GAB2: variants seen among roughly 807,000 people sequenced by gnomAD.
The protein encoded by GAB2 is GRB2 associated binding protein 2.
Under a neutral mutation model 65.5 loss-of-function variants are expected in GAB2, and 26 were observed. The ratio of observed to expected loss-of-function variants is 0.40; its 90% CI spans 0.29 to 0.55. GAB2 has a LOEUF of 0.55. Among genes scored for constraint, GAB2 ranks in the 20% least tolerant of loss-of-function variants. The pLI is 0.53. For missense variants in GAB2, 884 were observed against 875.8 expected (o/e 1.01, Z -0.12); for synonymous variants, 321 against 329.6 (o/e 0.97, Z 0.28).
At chr11:78,341,771 G>T in intron 1 of GAB2, 2 of 986,136 alleles carry the variant, frequency 2.0e-6, no homozygotes, top group Non-Finnish European at 2.4e-6. Context: ...TTTTCATGAT[G>T]ATACCAAAGG....
At chr11:78,233,889 G>A (rs1267781921) in intron 3 of GAB2, among the ~76,000 whole-genome samples, 3 of 152,208 alleles carry the variant, frequency 2.0e-5, no homozygotes, top group African/African-American at 7.2e-5. Context: ...GAGATTACAG[G>A]CGTGGGCCAC....
At chr11:78,219,531 T>G in intron 9 of GAB2, 116 bp from the exon 10 acceptor site, 1 of 902,658 alleles carries the variant, frequency 1.1e-6, no homozygotes, top group Non-Finnish European at 1.8e-6. Context: ...GCATGGCCTC[T>G]GCCTGCCACT....
chr11:78,360,415 A>G (rs376838726), intron 1 of GAB2, among the ~76,000 whole-genome samples: 1,926 of 151,852 alleles, frequency 0.013, 37 homozygotes, highest in African/African-American at 0.043. Flanking sequence ...AAAAAGAAGA[A>G]GAGGAGGAGG....
intron 3 of GAB2, among the ~76,000 whole-genome samples, chr11:78,242,731 GA>G (rs559994792): frequency 1.5e-3 from 224 of 150,894 alleles, no homozygotes; most frequent in Non-Finnish European, 2.6e-3. Context: ...AGTAAAAGGG[GA>G]AAAAAAAGAT....
intron 1 of GAB2, among the ~76,000 whole-genome samples, chr11:78,331,339 A>G (rs934886582): frequency 2.7e-5 from 4 of 147,462 alleles, no homozygotes; most frequent in Non-Finnish European, 6.0e-5. Context: ...TCTGCCTCCC[A>G]GGTTCAAGCG....
intron 3 of GAB2, among the ~76,000 whole-genome samples, chr11:78,245,530 A>T (rs1256384210): frequency 6.6e-6 from 1 of 152,216 alleles, no homozygotes; most frequent in East Asian, 1.9e-4. Flanking sequence ...TTCCAGATAA[A>T]TGAAAGCTGG....
At chr11:78,362,878 G>T (rs1014521738) in intron 1 of GAB2, among the ~76,000 whole-genome samples, 11 of 152,148 alleles carry the variant, frequency 7.2e-5, no homozygotes, top group African/African-American at 2.7e-4. Context: ...AGAGGGTCAG[G>T]CACTTCACAA....
At chr11:78,307,966 C>G (rs762313938) in intron 1 of GAB2, among the ~76,000 whole-genome samples, 54 of 152,022 alleles carry the variant, frequency 3.6e-4, no homozygotes, top group Non-Finnish European at 6.6e-4. Flanking sequence ...TGAGCACCAT[C>G]CAATTTGTTG....
intron 1 of GAB2, among the ~76,000 whole-genome samples, chr11:78,362,216 T>C (rs540648035): frequency 1.3e-5 from 2 of 152,216 alleles, no homozygotes; most frequent in South Asian, 2.1e-4. Flanking sequence ...CAGGCCAACA[T>C]ACATTATAAA....
chr11:78,219,159 A>C lies in GAB2; in HGVS notation c.*113T>G. On this transcript the variant is annotated 3_prime_UTR_variant, in exon 10 of 10. Transcript: ENST00000361507. ...GATGTCAAGTGCTTTGAAGGCTGAG[A>C]CTGGCAGAGTAGAGAGGAGGTGGAT... The C allele has an allele frequency of 9.8e-7, 1 of 1,016,922 alleles. No individual in the cohort carries two copies. The highest frequency in any genetic ancestry group is 1.5e-6 in the Non-Finnish European group (1 of 682,628). 63.0% of individuals were successfully genotyped at this position (1,016,922 alleles called of 1,614,324 possible). A position where few individuals can be genotyped will look rare whatever the true frequency, so the allele number is the denominator to read the frequency against.
chr11:78,318,386 A>AAAAAAAAAAAAAAAAAAAAAAAAAAAAT (rs1855657644), intron 1 of GAB2, among the ~76,000 whole-genome samples: 1 of 146,796 alleles, frequency 6.8e-6, no homozygotes, highest in African/African-American at 2.5e-5. Flanking sequence ...AAAAAAAAAA[A>AAAAAAAAAAAAAAAAAAAAAAAAAAAAT]GCTGTGAAAA....
chr11:78,287,792 GTGTGCACTGCCACAC>G (rs1866527134), intron 1 of GAB2, among the ~76,000 whole-genome samples: 1 of 149,144 alleles, frequency 6.7e-6, no homozygotes, highest in Admixed American at 6.8e-5. Flanking sequence ...GGGATTACAG[GTGTGCACTGCCACAC>G]TGGCTAATTT....
chr11:78,220,444 G>A lies in GAB2; in HGVS notation c.1762C>T (p.Gln588Ter). The change falls in exon 9 of 10, where the codon CAA becomes TAA. Residue 588 changes from glutamine (Q) to a stop codon, truncating the protein, a stop_gained and splice_region_variant. Coordinates refer to ENST00000361507, the MANE Select transcript of GAB2 (RefSeq NM_080491.3). LOFTEE classifies it high-confidence loss of function. Reference protein sequence around the residue: ...GDSEENYVPMQNPVSASPVPS... With the variant: ...GDSEENYVPM ...ACGGGAGATGCAGACACTGGGTTTT[G>A]CTGTCACGAGGAGGAAAAAACTGTG... 1 of 1,569,182 alleles carries A rather than the reference G, an allele frequency of 6.4e-7. No individual in the cohort carries two copies. Among genetic ancestry groups the A allele is most frequent in the Middle Eastern group, 1.7e-4 (1 of 5,886 alleles).
intron 1 of GAB2, among the ~76,000 whole-genome samples, chr11:78,313,087 C>T (rs920268412): frequency 1.3e-5 from 2 of 152,144 alleles, no homozygotes; most frequent in Non-Finnish European, 2.9e-5. Flanking sequence ...AGGCAAGTTC[C>T]TTGGGCTAAG....
intron 1 of GAB2, among the ~76,000 whole-genome samples, chr11:78,350,011 G>C (rs10899483): frequency 0.25 from 37,238 of 151,914 alleles, 5,077 homozygotes; most frequent in East Asian, 0.41. Flanking sequence ...AATTGCACAC[G>C]TCCTCATTCT....
At chr11:78,414,185 C>T (rs1857164694) in intron 1 of GAB2, among the ~76,000 whole-genome samples, 1 of 151,970 alleles carries the variant, frequency 6.6e-6, no homozygotes, top group African/African-American at 2.4e-5. Context: ...ACAACTACTC[C>T]CTCATCATTT....
chr11:78,397,263 A>T (rs567763662), intron 1 of GAB2, among the ~76,000 whole-genome samples: 5 of 152,368 alleles, frequency 3.3e-5, no homozygotes, highest in African/African-American at 4.8e-5. Context: ...CCAAGGCAAT[A>T]TAACCAATCC....
chr11:78,259,746 T>A (rs983538565), intron 2 of GAB2, among the ~76,000 whole-genome samples: 1 of 152,084 alleles, frequency 6.6e-6, no homozygotes, highest in East Asian at 1.9e-4. Flanking sequence ...ACCTCTCAAA[T>A]CTCTCATCTA....
At chr11:78,397,748 C>A (rs1565184680) in intron 1 of GAB2, among the ~76,000 whole-genome samples, 1 of 152,144 alleles carries the variant, frequency 6.6e-6, no homozygotes, top group South Asian at 2.1e-4. Flanking sequence ...GCTGCTTCCC[C>A]ACCAAGACTA....
Sources: gnomAD v4.1 joint callset for allele counts (sites outside exome capture counted in the v4.1 genomes callset) on GRCh38, gnomAD v4.1.1 for gene constraint, MANE v1.5 for transcripts, NCBI Gene and HGNC (gene_info 2026-07-23, HGNC 2026-07-21) for gene names.